Variants in PRIM2 observed in about 807,000 individuals in gnomAD.
PRIM2 encodes DNA primase subunit 2, also known as DNA primase large subunit.
PRIM2 carries 39 observed loss-of-function variants against 67.3 expected under a neutral mutation model. That is an observed-to-expected ratio of 0.58 (90% CI 0.45 to 0.76). The LOEUF (loss-of-function observed/expected upper bound fraction) is 0.76, where lower values mean the gene tolerates loss of function less well. Ranked by LOEUF, PRIM2 falls within the 30% of genes least tolerant of loss-of-function variation. The pLI is 0.00. For missense variants in PRIM2, 398 were observed against 598.7 expected (o/e 0.66, Z 3.50); for synonymous variants, 143 against 198.7 (o/e 0.72, Z 2.36).
intron 10 of PRIM2, among the ~76,000 whole-genome samples, chr6:57,586,813 G>C (rs1776197136): frequency 6.6e-6 from 1 of 152,138 alleles, no homozygotes; most frequent in Non-Finnish European, 1.5e-5. Flanking sequence ...AGGCAGAGCT[G>C]GGGGAGAACA....
chr6:57,543,107 G>T (rs878995159), intron 10 of PRIM2, among the ~76,000 whole-genome samples: 104,977 of 144,538 alleles, frequency 0.73, 38,997 homozygotes, highest in African/African-American at 0.89. Context: ...GCCCGGCTAA[G>T]TTTTTGTATT....
intron 7 of PRIM2, among the ~76,000 whole-genome samples, chr6:57,406,684 C>T (rs1300490005): frequency 4.3e-4 from 66 of 152,086 alleles, no homozygotes; most frequent in Non-Finnish European, 7.6e-4. Flanking sequence ...AGCTTGGTTT[C>T]CCTTAAAATT....
In PRIM2 at chr6:57,489,348, A is replaced by C. The variant is rs1373450786; in HGVS notation, c.694-18039A>C. The stretch of plus-strand genomic sequence containing the variant: ...AGCGCAGGCAGATCATGAGGTCAGG[A>C]GATCGAGACCATCCTAGCTAACACG... On this transcript the variant is annotated intron_variant, in intron 7 of 13. Coordinates refer to ENST00000615550, the MANE Select transcript of PRIM2 (RefSeq NM_000947.5). Among the ~76,000 whole-genome samples the C allele has an allele frequency of 2.0e-4, 30 of 152,360 alleles. No homozygotes were observed. In the Middle Eastern group the frequency reaches 0.01, roughly 52 times the overall value.
rs1554349215 is a variant in PRIM2 at position 57,524,784 on chromosome 6, G to A, written c.762-7627G>A. ...GCAGAATATATAATTTAAGACCATC[G>A]CCTCAAAATAAAACAAAAACACCAG... On this transcript the variant is annotated intron_variant, in intron 8 of 13. Transcript: ENST00000615550. Among the ~76,000 whole-genome samples, 135 of 151,736 alleles carry A rather than the reference G, an allele frequency of 8.9e-4. 1 individual carries two copies. In the East Asian group the frequency reaches 0.01, roughly 12 times the overall value.
chr6:57,375,484 G>C (rs1460568958), intron 5 of PRIM2, among the ~76,000 whole-genome samples: 1 of 152,084 alleles, frequency 6.6e-6, no homozygotes, highest in Admixed American at 6.6e-5. Flanking sequence ...TTTTGTTGAG[G>C]ATTTTTGCAT....
chr6:57,424,119 A>G (rs147239173), intron 7 of PRIM2, among the ~76,000 whole-genome samples: 1,546 of 152,330 alleles, frequency 0.01, 28 homozygotes, highest in African/African-American at 0.034. Flanking sequence ...GGAAATTGTA[A>G]GAAAAACAAA....
chr6:57,336,075 G>T (rs1170770100), intron 5 of PRIM2, among the ~76,000 whole-genome samples: 5 of 152,144 alleles, frequency 3.3e-5, no homozygotes, highest in Admixed American at 6.5e-5. Context: ...GAAGCCTCAG[G>T]AGCCGATGCG....
the PRIM2 span, among the ~76,000 whole-genome samples, chr6:57,231,715 G>A: frequency 1.3e-5 from 2 of 152,210 alleles, no homozygotes; most frequent in East Asian, 3.9e-4. Flanking sequence ...GAACGTAAAT[G>A]GAATTAACCC....
At chr6:57,624,112 C>T (rs1261340282) in intron 12 of PRIM2, among the ~76,000 whole-genome samples, 1 of 151,810 alleles carries the variant, frequency 6.6e-6, no homozygotes, top group African/African-American at 2.4e-5. Flanking sequence ...TTATATTAGG[C>T]CAAAAAATAG....
chr6:57,580,385 G>A (rs1776059399), intron 10 of PRIM2, among the ~76,000 whole-genome samples: 1 of 152,124 alleles, frequency 6.6e-6, no homozygotes, highest in African/African-American at 2.4e-5. Context: ...AGGTCCTATA[G>A]CAAAAGACAG....
the PRIM2 span, among the ~76,000 whole-genome samples, chr6:57,272,766 G>A: frequency 7.6e-3 from 1,162 of 152,228 alleles, 13 homozygotes; most frequent in African/African-American, 0.027. Context: ...GGCTGGTACC[G>A]GTTGTTCCTT....
the PRIM2 span, among the ~76,000 whole-genome samples, chr6:57,236,677 G>C: frequency 6.6e-6 from 1 of 151,352 alleles, no homozygotes; most frequent in African/African-American, 2.4e-5. Context: ...TTGGTTTTTT[G>C]TCCTTGTGAT....
intron 7 of PRIM2, among the ~76,000 whole-genome samples, chr6:57,389,370 C>T (rs1770256146): frequency 6.6e-6 from 1 of 152,146 alleles, no homozygotes; most frequent in African/African-American, 2.4e-5. Flanking sequence ...CTACCTGAGC[C>T]TCCTAAAGTT....
chr6:57,286,181 C>T, the PRIM2 span, among the ~76,000 whole-genome samples: 1 of 152,156 alleles, frequency 6.6e-6, no homozygotes, highest in African/African-American at 2.4e-5. Context: ...GGCCATACTT[C>T]CCAAAGTAAT....
chr6:57,283,125 T>C, the PRIM2 span, among the ~76,000 whole-genome samples: 23 of 152,280 alleles, frequency 1.5e-4, no homozygotes, highest in Middle Eastern at 3.4e-3. Context: ...TCAAATACAG[T>C]TTTATATAGA....
chr6:57,254,725 G>GA, the PRIM2 span, among the ~76,000 whole-genome samples: 3 of 151,358 alleles, frequency 2.0e-5, no homozygotes, highest in Non-Finnish European at 4.4e-5. Context: ...TTTATTGGGG[G>GA]TCTGAAGAAA....
chr6:57,339,070 C>G (rs1581805236), intron 5 of PRIM2, among the ~76,000 whole-genome samples: 1 of 152,032 alleles, frequency 6.6e-6, no homozygotes, highest in East Asian at 1.9e-4. Context: ...AACAGACAAA[C>G]AGAGAGCCAA....
chr6:57,422,154 C>CTTTATTTTTTTTTTTTTTTTTTTTTT (rs1177401174), intron 7 of PRIM2, among the ~76,000 whole-genome samples: 1 of 54,486 alleles, frequency 1.8e-5, no homozygotes, highest in Non-Finnish European at 4.3e-5. Flanking sequence ...TATTTCTTTT[C>CTTTATTTTTTTTTTTTTTTTTTTTTT]TTTCTTTTTT....
At chr6:57,618,548 T>G (rs1206728817) in intron 12 of PRIM2, among the ~76,000 whole-genome samples, 4 of 152,186 alleles carry the variant, frequency 2.6e-5, no homozygotes, top group African/African-American at 9.6e-5. Context: ...TTTTCAAGCC[T>G]GCCTTCCACC....
Sources: gnomAD v4.1 joint callset for allele counts (sites outside exome capture counted in the v4.1 genomes callset) on GRCh38, gnomAD v4.1.1 for gene constraint, MANE v1.5 for transcripts, NCBI Gene and HGNC (gene_info 2026-07-23, HGNC 2026-07-21) for gene names.